FGF12: variants seen among roughly 807,000 people sequenced by gnomAD.
FGF12 encodes the protein fibroblast growth factor 12.
A neutral mutation model predicts 23.6 loss-of-function variants in FGF12; 14 were observed. The ratio of observed to expected loss-of-function variants is 0.59; its 90% CI spans 0.39 to 0.93. The LOEUF (loss-of-function observed/expected upper bound fraction) is 0.93. Ranked by LOEUF, FGF12 falls within the 40% of genes least tolerant of loss-of-function variation. The probability of loss-of-function intolerance (pLI) is 0.00; values close to 1 mark genes in which losing one functional copy is unlikely to be tolerated. For synonymous variants in FGF12, 62 were observed against 77.3 expected, an observed-to-expected ratio of 0.80 and a Z score of 1.04; for missense variants, 175 against 217.8, an observed-to-expected ratio of 0.80 and a Z score of 1.24.
At chr3:192,407,128 T>C (rs1720985335) in intron 2 of FGF12, among the ~76,000 whole-genome samples, 1 of 152,148 alleles carries the variant, frequency 6.6e-6, no homozygotes, top group Non-Finnish European at 1.5e-5. Flanking sequence ...TGTCAAAACT[T>C]TGGGTATCCA....
intron 4 of FGF12, among the ~76,000 whole-genome samples, chr3:192,221,033 A>G (rs1718445374): frequency 6.6e-6 from 1 of 152,208 alleles, no homozygotes; most frequent in Non-Finnish European, 1.5e-5. Context: ...GTGTGACTCC[A>G]TGAGAGGATG....
intron 2 of FGF12, among the ~76,000 whole-genome samples, chr3:192,363,084 T>TG (rs1718806908): frequency 7.5e-6 from 1 of 132,680 alleles, no homozygotes; most frequent in Non-Finnish European, 1.6e-5. Flanking sequence ...CACCGGGGCC[T>TG]GTTGTGGGGT....
At chr3:192,713,045 G>A (rs1215016473) in intron 2 of FGF12, among the ~76,000 whole-genome samples, 1 of 151,882 alleles carries the variant, frequency 6.6e-6, no homozygotes. Flanking sequence ...TAGAAAGCTG[G>A]GCACGTAAAA....
intron 5 of FGF12, among the ~76,000 whole-genome samples, chr3:192,159,769 TA>T (rs1256304219): frequency 6.6e-6 from 1 of 152,162 alleles, no homozygotes; most frequent in Non-Finnish European, 1.5e-5. Flanking sequence ...GATGATTTGC[TA>T]TTGGTATCCT....
intron 2 of FGF12, among the ~76,000 whole-genome samples, chr3:192,381,806 CA>C (rs1289280439): frequency 6.6e-6 from 1 of 152,124 alleles, no homozygotes; most frequent in Non-Finnish European, 1.5e-5. Context: ...TGAATTTAAA[CA>C]ACTGAAAGTG....
intron 4 of FGF12, among the ~76,000 whole-genome samples, chr3:192,330,769 A>G (rs1359125776): frequency 6.6e-6 from 1 of 152,112 alleles, no homozygotes; most frequent in African/African-American, 2.4e-5. Context: ...TAAACATAGG[A>G]AAAAACCTTC....
At chr3:192,516,918 T>C (rs1214558865) in intron 2 of FGF12, 1 of 152,266 alleles carries the variant, frequency 6.6e-6, no homozygotes, top group South Asian at 2.1e-4. Context: ...TCTGGGATTC[T>C]ACCCATAGAA....
intron 2 of FGF12, among the ~76,000 whole-genome samples, chr3:192,430,803 A>G (rs898634005): frequency 1.3e-5 from 2 of 152,158 alleles, no homozygotes; most frequent in Admixed American, 1.3e-4. Context: ...ACCACAGGTA[A>G]GGAAAGACAT....
Position 192,240,581 on chromosome 3 carries a change from T to G in FGF12, c.229-69925A>C, listed in dbSNP as rs1010893187. On this transcript the variant is annotated intron_variant, in intron 4 of 5. Transcript: ENST00000445105. ...TGTTGACTTCAAACTGCTCAGAATC[T>G]GGTAAAATAGATGACCTAGTGCACA... 1.1e-4 allele frequency among the ~76,000 whole-genome samples: 17 copies of G among 152,318 alleles called. No individual in the cohort carries two copies. In the South Asian group the frequency reaches 3.3e-3, roughly 30 times the overall value.
intron 2 of FGF12, among the ~76,000 whole-genome samples, chr3:192,387,719 A>C (rs1576937610): frequency 2.1e-5 from 2 of 93,296 alleles, no homozygotes; most frequent in African/African-American, 6.5e-5. Context: ...CACACACACA[A>C]TATATATATA....
At chr3:192,330,723 C>CA (rs368319449) in intron 4 of FGF12, among the ~76,000 whole-genome samples, 8 of 151,532 alleles carry the variant, frequency 5.3e-5, no homozygotes, top group Admixed American at 3.3e-4. Context: ...AACAAAACAA[C>CA]AACAAACAAA....
intron 4 of FGF12, among the ~76,000 whole-genome samples, chr3:192,197,974 C>T (rs1449829888): frequency 1.4e-5 from 2 of 145,872 alleles, no homozygotes; most frequent in Non-Finnish European, 3.0e-5. Context: ...AAAAAAAAGT[C>T]CTCCGGGGGT....
chr3:192,639,583 G>T (rs1427007968), intron 2 of FGF12, among the ~76,000 whole-genome samples: 1 of 152,158 alleles, frequency 6.6e-6, no homozygotes, highest in Non-Finnish European at 1.5e-5. Flanking sequence ...ATAAGGAAAC[G>T]GTGGTATACA....
At chr3:192,156,800 G>A (rs952060359) in intron 5 of FGF12, among the ~76,000 whole-genome samples, 2 of 152,112 alleles carry the variant, frequency 1.3e-5, no homozygotes, top group African/African-American at 4.8e-5. Context: ...GGTAAAATAC[G>A]ATCATGTTTT....
intron 2 of FGF12, among the ~76,000 whole-genome samples, chr3:192,371,581 T>C (rs1039169821): frequency 6.6e-5 from 10 of 152,206 alleles, no homozygotes; most frequent in Non-Finnish European, 1.5e-4. Flanking sequence ...TTAATGTAGA[T>C]AGGAAAATCC....
intron 2 of FGF12, among the ~76,000 whole-genome samples, chr3:192,451,884 A>T (rs1233086144): frequency 6.6e-6 from 1 of 152,222 alleles, no homozygotes; most frequent in Non-Finnish European, 1.5e-5. Context: ...AAACATTCTT[A>T]CATGTGTCTC....
At chr3:192,491,656 T>C (rs1723806662) in intron 2 of FGF12, among the ~76,000 whole-genome samples, 1 of 152,182 alleles carries the variant, frequency 6.6e-6, no homozygotes. Context: ...AGAGACTTAA[T>C]GTATATGATG....
chr3:192,411,818 A>G (rs1280472127), intron 2 of FGF12, among the ~76,000 whole-genome samples: 1 of 152,334 alleles, frequency 6.6e-6, no homozygotes, highest in South Asian at 2.1e-4. Flanking sequence ...GGACTTGAGG[A>G]AATTATTGCT....
chr3:192,314,415 G>C (rs937444773), intron 4 of FGF12, among the ~76,000 whole-genome samples: 3 of 152,160 alleles, frequency 2.0e-5, no homozygotes, highest in Non-Finnish European at 4.4e-5. Flanking sequence ...GAACTTCTGG[G>C]AAGATGTTAG....
Sources: allele counts gnomAD v4.1 joint callset (sites outside exome capture counted in the v4.1 genomes callset), GRCh38; gene constraint gnomAD v4.1.1; transcripts MANE v1.5; gene names NCBI Gene and HGNC (gene_info 2026-07-23, HGNC 2026-07-21).